Variants in DCAF8L2 observed in about 807,000 individuals in gnomAD.
The protein encoded by DCAF8L2 is DDB1- and CUL4-associated factor 8-like protein 2.
For synonymous variants in DCAF8L2, 200 were observed against 190.9 expected (o/e 1.05, Z -0.39); for missense variants, 430 against 490.7 (o/e 0.88, Z 1.17).
chrX:27,487,575 G>A, the DCAF8L2 span, among the ~76,000 whole-genome samples: 5 of 111,967 alleles, frequency 4.5e-5, no homozygotes, highest in Non-Finnish European at 9.4e-5. Flanking sequence ...GAGCTACTGC[G>A]CCCGGCCTTG....
chrX:27,661,355 C>T (rs1448102533), intron 2 of DCAF8L2, among the ~76,000 whole-genome samples: 1 of 111,667 alleles, frequency 9.0e-6, no homozygotes, highest in African/African-American at 3.3e-5. Flanking sequence ...GTCTCTATCA[C>T]TTTATTGGTG....
At chrX:27,646,739 G>T (rs919029079) in intron 2 of DCAF8L2, among the ~76,000 whole-genome samples, 3 of 110,836 alleles carry the variant, frequency 2.7e-5, no homozygotes, top group African/African-American at 9.8e-5. Context: ...GCATTAAAAA[G>T]TGGGAAAAGA....
At chrX:27,703,665 C>T (rs747932110) in intron 3 of DCAF8L2, among the ~76,000 whole-genome samples, 1 of 110,951 alleles carries the variant, frequency 9.0e-6, no homozygotes, top group South Asian at 3.7e-4. Flanking sequence ...TGGATATCCA[C>T]ATGCAAAAGA....
intron 4 of DCAF8L2, among the ~76,000 whole-genome samples, chrX:27,729,703 G>C (rs1921076561): frequency 9.0e-6 from 1 of 111,550 alleles, no homozygotes; most frequent in African/African-American, 3.3e-5. Context: ...TTTTAAAAGG[G>C]CACTAGTCCC....
chrX:27,639,471 G>A (rs1477373013), intron 2 of DCAF8L2, among the ~76,000 whole-genome samples: 65 of 111,854 alleles, frequency 5.8e-4, no homozygotes, highest in Non-Finnish European at 7.5e-5. Context: ...AGAAATGCTT[G>A]AGGGAATGAA....
At chrX:27,606,273 T>TTA (rs1180719752) in intron 1 of DCAF8L2, among the ~76,000 whole-genome samples, 4 of 85,926 alleles carry the variant, frequency 4.7e-5, no homozygotes, top group Non-Finnish European at 8.8e-5. Flanking sequence ...TATATAGGAA[T>TTA]TATATATATA....
At chrX:27,676,365 C>T (rs1930138690) in intron 2 of DCAF8L2, among the ~76,000 whole-genome samples, 1 of 111,534 alleles carries the variant, frequency 9.0e-6, no homozygotes, top group African/African-American at 3.3e-5. Context: ...GAAGTTTCAA[C>T]ATGAATTTAC....
intron 4 of DCAF8L2, among the ~76,000 whole-genome samples, chrX:27,741,979 A>AT (rs2147337642): frequency 8.9e-6 from 1 of 112,095 alleles, no homozygotes; most frequent in Non-Finnish European, 1.9e-5. Flanking sequence ...AAATTTTAGA[A>AT]TTTTTAAAAT....
the DCAF8L2 span, among the ~76,000 whole-genome samples, chrX:27,533,188 A>AGAGAGAGAGAGAG: frequency 4.7e-5 from 1 of 21,151 alleles, no homozygotes. Flanking sequence ...GAAAGAAAGA[A>AGAGAGAGAGAGAG]AGAAAGAAAG....
At chrX:27,540,864 T>C in the DCAF8L2 span, among the ~76,000 whole-genome samples, 1 of 111,925 alleles carries the variant, frequency 8.9e-6, no homozygotes, top group Non-Finnish European at 1.9e-5. Context: ...TTATTATGTG[T>C]TAATTAAAAA....
the DCAF8L2 span, among the ~76,000 whole-genome samples, chrX:27,548,980 G>A: frequency 9.0e-6 from 1 of 111,068 alleles, no homozygotes; most frequent in East Asian, 2.8e-4. Context: ...ATATATGTCC[G>A]TACACCAAAA....
At chrX:27,605,094 G>C (rs1220927992) in intron 1 of DCAF8L2, among the ~76,000 whole-genome samples, 1 of 111,117 alleles carries the variant, frequency 9.0e-6, no homozygotes, top group African/African-American at 3.3e-5. Context: ...CTATGAGGTT[G>C]GACCTGTGTT....
chrX:27,707,082 G>A (rs1471357413), intron 3 of DCAF8L2, among the ~76,000 whole-genome samples: 2 of 111,333 alleles, frequency 1.8e-5, no homozygotes. Context: ...GAATAGGCAA[G>A]TGAGTAGAGC....
chrX:27,680,781 A>AT (rs61302987), intron 3 of DCAF8L2, among the ~76,000 whole-genome samples: 21,520 of 111,584 alleles, frequency 0.19, 2,529 homozygotes, highest in African/African-American at 0.44. Context: ...AGTTAAAGGA[A>AT]TTCAAGCATT....
At chrX:27,718,491 C>A (rs1440848203) in intron 4 of DCAF8L2, among the ~76,000 whole-genome samples, 1 of 111,811 alleles carries the variant, frequency 8.9e-6, no homozygotes, top group Non-Finnish European at 1.9e-5. Context: ...TGGCCACAGG[C>A]TGCCCAGTTA....
At chrX:27,644,426 T>C (rs1416383467) in intron 2 of DCAF8L2, among the ~76,000 whole-genome samples, 1 of 111,696 alleles carries the variant, frequency 9.0e-6, no homozygotes, top group African/African-American at 3.3e-5. Context: ...ATACACTTAA[T>C]TACCAGAAGC....
At chrX:27,721,030 T>G (rs73534395) in intron 4 of DCAF8L2, among the ~76,000 whole-genome samples, 2 of 111,809 alleles carry the variant, frequency 1.8e-5, no homozygotes, top group Admixed American at 1.9e-4. Context: ...GTCTTATAAA[T>G]TGTAAGCTTG....
At chrX:27,597,373 C>T (rs1229261514) in intron 1 of DCAF8L2, among the ~76,000 whole-genome samples, 2 of 111,050 alleles carry the variant, frequency 1.8e-5, no homozygotes, top group Non-Finnish European at 3.8e-5. Flanking sequence ...TTTTGAGCAT[C>T]GGTTTCACTG....
chrX:27,542,442 CTG>C, the DCAF8L2 span, among the ~76,000 whole-genome samples: 6 of 108,374 alleles, frequency 5.5e-5, no homozygotes, highest in African/African-American at 1.7e-4. Flanking sequence ...TTCTGTTTCT[CTG>C]ATGATTAGTA....
Sources: allele counts gnomAD v4.1 joint callset (sites outside exome capture counted in the v4.1 genomes callset), GRCh38; gene constraint gnomAD v4.1.1; transcripts MANE v1.5; gene names NCBI Gene and HGNC (gene_info 2026-07-23, HGNC 2026-07-21).